Variants in DLG2 observed in about 807,000 individuals in gnomAD.
DLG2 encodes the protein discs large MAGUK scaffold protein 2, also known as disks large homolog 2.
DLG2 carries 45 observed loss-of-function variants against 132.5 expected under a neutral mutation model. The ratio of observed to expected loss-of-function variants is 0.34; its 90% CI spans 0.27 to 0.44. DLG2 has a LOEUF of 0.44. DLG2 is among the 20% of genes least tolerant of loss of function. The probability of loss-of-function intolerance (pLI) is 1.00; values close to 1 mark genes in which losing one functional copy is unlikely to be tolerated. For synonymous variants in DLG2, 424 were observed against 419.6 expected (o/e 1.01, Z -0.13); for missense variants, 1,045 against 1,196.9 (o/e 0.87, Z 1.87).
At chr11:85,078,598 A>G (rs2066851577) in intron 6 of DLG2, among the ~76,000 whole-genome samples, 5 of 152,078 alleles carry the variant, frequency 3.3e-5, no homozygotes, top group Admixed American at 3.3e-4. Context: ...GACTGAAATA[A>G]CCTTTCCTGT....
intron 7 of DLG2, among the ~76,000 whole-genome samples, chr11:84,287,405 G>T (rs976755485): frequency 1.3e-5 from 2 of 152,068 alleles, no homozygotes; most frequent in South Asian, 2.1e-4. Context: ...GATAGTGTTG[G>T]GGGGCCAGGG....
chr11:85,386,995 C>T (rs1352070912), intron 3 of DLG2, among the ~76,000 whole-genome samples: 1 of 150,000 alleles, frequency 6.7e-6, no homozygotes, highest in African/African-American at 2.5e-5. Flanking sequence ...TCAAGTGATT[C>T]TTCTGCCTCA....
chr11:84,175,164 A>T (rs2095925198), intron 8 of DLG2, among the ~76,000 whole-genome samples: 1 of 152,192 alleles, frequency 6.6e-6, no homozygotes, highest in African/African-American at 2.4e-5. Flanking sequence ...CCAGTATCTG[A>T]CATTAAAACA....
intron 3 of DLG2, among the ~76,000 whole-genome samples, chr11:85,392,987 A>G (rs149268701): frequency 8.5e-5 from 13 of 152,340 alleles, no homozygotes; most frequent in African/African-American, 2.9e-4. Flanking sequence ...GGACTTAATT[A>G]AACTAAAAAG....
intron 10 of DLG2, among the ~76,000 whole-genome samples, chr11:84,078,802 T>C (rs543358823): frequency 6.6e-6 from 1 of 152,358 alleles, no homozygotes; most frequent in African/African-American, 2.4e-5. Context: ...CTTAATTCAC[T>C]TGGTTTTAAA....
At chr11:85,484,553 A>G (rs2093382844) in intron 3 of DLG2, among the ~76,000 whole-genome samples, 1 of 151,834 alleles carries the variant, frequency 6.6e-6, no homozygotes, top group African/African-American at 2.4e-5. Flanking sequence ...ACATCAACAG[A>G]CACTTCTCAA....
chr11:84,340,117 G>A (rs1371860504), intron 7 of DLG2, among the ~76,000 whole-genome samples: 2 of 152,166 alleles, frequency 1.3e-5, no homozygotes, highest in East Asian at 1.9e-4. Flanking sequence ...TTTTGCAGGA[G>A]AGTCTGGTTT....
chr11:83,744,179 T>C (rs553600940), intron 18 of DLG2, among the ~76,000 whole-genome samples: 152 of 152,300 alleles, frequency 1.0e-3, no homozygotes, highest in South Asian at 3.3e-3. Flanking sequence ...TTTCTAATCC[T>C]TTTCCCCTTC....
At chr11:84,982,886 C>T (rs775688163) in intron 6 of DLG2, among the ~76,000 whole-genome samples, 4 of 152,168 alleles carry the variant, frequency 2.6e-5, no homozygotes, top group East Asian at 1.9e-4. Flanking sequence ...TACACCCACT[C>T]GTGATAATAA....
chr11:84,250,474 C>T (rs1163551695), intron 8 of DLG2, among the ~76,000 whole-genome samples: 2 of 152,216 alleles, frequency 1.3e-5, no homozygotes, highest in Admixed American at 1.3e-4. Context: ...TGTAGCCCTT[C>T]TTCTCAGCTT....
chr11:85,366,709 G>A (rs1029092977), intron 3 of DLG2, among the ~76,000 whole-genome samples: 3 of 152,114 alleles, frequency 2.0e-5, no homozygotes, highest in Non-Finnish European at 4.4e-5. Flanking sequence ...CTGGATAAGA[G>A]AGTTAAAGTA....
intron 6 of DLG2, among the ~76,000 whole-genome samples, chr11:84,658,979 A>T (rs1255939324): frequency 6.6e-6 from 1 of 152,176 alleles, no homozygotes; most frequent in Non-Finnish European, 1.5e-5. Context: ...CTCACTAAAC[A>T]TCAAATCTGT....
intron 4 of DLG2, among the ~76,000 whole-genome samples, chr11:85,156,118 G>A (rs1320164534): frequency 6.6e-6 from 1 of 152,134 alleles, no homozygotes; most frequent in Non-Finnish European, 1.5e-5. Context: ...AGAGAAATTT[G>A]CAACCACTGT....
intron 3 of DLG2, among the ~76,000 whole-genome samples, chr11:85,567,958 A>T (rs1392979716): frequency 6.6e-6 from 1 of 150,948 alleles, no homozygotes; most frequent in East Asian, 1.9e-4. Context: ...CCATCTTTGC[A>T]TTCTTGGAAT....
At chr11:85,497,900 G>C (rs1451011958) in intron 3 of DLG2, among the ~76,000 whole-genome samples, 2 of 152,156 alleles carry the variant, frequency 1.3e-5, no homozygotes, top group Admixed American at 6.5e-5. Context: ...GTCACCACCA[G>C]GTCTGCCTCA....
At chr11:83,851,155 T>C (rs1055391956) in intron 16 of DLG2, among the ~76,000 whole-genome samples, 2 of 145,210 alleles carry the variant, frequency 1.4e-5, no homozygotes, top group African/African-American at 5.2e-5. Context: ...CCAGCCTGGG[T>C]GACAGAGTGA....
At chr11:84,019,316 G>C (rs1156909212) in intron 11 of DLG2, among the ~76,000 whole-genome samples, 1 of 152,094 alleles carries the variant, frequency 6.6e-6, no homozygotes, top group Non-Finnish European at 1.5e-5. Flanking sequence ...CTAGAAGGCA[G>C]AGTTTTGTGA....
At position 84,351,846 on chromosome 11, in the gene DLG2, C is replaced by T. The variant is rs572716289; in HGVS notation, c.520-100555G>A. On this transcript the variant is annotated intron_variant, in intron 7 of 27. Transcript: ENST00000376104. ...AACAATGGAGGAGAAGTAGAATGGA[C>T]GCACTATGCTCCATATATAAATCCA... is the stretch of plus-strand genomic sequence containing the variant. Among the ~76,000 whole-genome samples the T allele has an allele frequency of 2.1e-4, 32 of 152,246 alleles. No homozygotes were observed. The East Asian group carries it at 3.1e-3, about 15-fold the overall frequency.
chr11:85,534,957 T>G (rs1244901083), intron 3 of DLG2, among the ~76,000 whole-genome samples: 2 of 152,228 alleles, frequency 1.3e-5, no homozygotes, highest in Admixed American at 6.5e-5. Flanking sequence ...TTTTCACCAA[T>G]AGTGTATTAG....
Sources: gnomAD v4.1 joint callset for allele counts (sites outside exome capture counted in the v4.1 genomes callset) on GRCh38, gnomAD v4.1.1 for gene constraint, MANE v1.5 for transcripts, NCBI Gene and HGNC (gene_info 2026-07-23, HGNC 2026-07-21) for gene names.